The following PRKCH variants were observed in gnomAD, a reference collection of about 807,000 sequenced individuals.
PRKCH encodes protein kinase C eta.
In PRKCH, 28 loss-of-function variants were observed where a neutral mutation model predicts 82.5. That is an observed-to-expected ratio of 0.34 (90% CI 0.25 to 0.47). The LOEUF (loss-of-function observed/expected upper bound fraction) is 0.47, where lower values mean the gene tolerates loss of function less well. Ranked by LOEUF, PRKCH falls within the 20% of genes least tolerant of loss-of-function variation. The pLI, the probability that PRKCH is intolerant of heterozygous loss-of-function variation, is 1.00. For missense variants in PRKCH, 705 were observed against 881.8 expected, an observed-to-expected ratio of 0.80 and a Z score of 2.54; for synonymous variants, 322 against 327.4, an observed-to-expected ratio of 0.98 and a Z score of 0.18.
At chr14:61,484,291 CTTTT>C (rs71449556) in intron 9 of PRKCH, among the ~76,000 whole-genome samples, 2 of 86,382 alleles carry the variant, frequency 2.3e-5, no homozygotes, top group African/African-American at 4.5e-5. Flanking sequence ...GCTTGTGTCA[CTTTT>C]TTTTTTTTTT....
rs533960119 is a variant in PRKCH, at chr14:61,428,876, G to C, written c.428-14235G>C. Reference sequence around the variant, plus strand: ...TTTCCCTGTAGCTAGCTTTTACTCTGTCTCTTTAAAATACCTTTTTTTGGA... The same window carrying C: ...TTTCCCTGTAGCTAGCTTTTACTCTCTCTCTTTAAAATACCTTTTTTTGGA... On this transcript the variant is annotated intron_variant, in intron 2 of 13. Transcript: ENST00000332981. 7.9e-5 allele frequency among the ~76,000 whole-genome samples: 12 copies of C among 152,124 alleles called. 2 individuals are homozygous for C. Among genetic ancestry groups the C allele is most frequent in the Admixed American group, 2.0e-4 (3 of 15,286 alleles).
intron 1 of PRKCH, among the ~76,000 whole-genome samples, chr14:61,346,950 T>C (rs2046000416): frequency 1.3e-5 from 2 of 151,390 alleles, no homozygotes; most frequent in Non-Finnish European, 1.5e-5. Context: ...ATGATGTTGA[T>C]GTCCTCACAA....
At chr14:61,399,565 A>T (rs73320016) in intron 2 of PRKCH, among the ~76,000 whole-genome samples, 3,904 of 152,320 alleles carry the variant, frequency 0.026, 162 homozygotes, top group African/African-American at 0.09. Context: ...GGTGAGTAAG[A>T]TAATTCCTTT....
At chr14:61,472,938 C>T (rs772052827) in intron 9 of PRKCH, among the ~76,000 whole-genome samples, 14 of 152,158 alleles carry the variant, frequency 9.2e-5, no homozygotes, top group Non-Finnish European at 2.1e-4. Context: ...AAATGTGGAC[C>T]TGCCTTTTAA....
intron 9 of PRKCH, among the ~76,000 whole-genome samples, chr14:61,474,951 A>T (rs1164143946): frequency 6.6e-6 from 1 of 152,230 alleles, no homozygotes; most frequent in Non-Finnish European, 1.5e-5. Flanking sequence ...CTTGAGGCAG[A>T]TATGGCATAT....
intron 7 of PRKCH, among the ~76,000 whole-genome samples, chr14:61,455,793 A>G (rs1884739691): frequency 6.6e-6 from 1 of 152,220 alleles, no homozygotes; most frequent in South Asian, 2.1e-4. Flanking sequence ...AGCTTATCTT[A>G]TAAATGTCTC....
At chr14:61,327,169 A>C (rs1046173189) in intron 1 of PRKCH, 2 of 454,900 alleles carry the variant, frequency 4.4e-6, no homozygotes, top group Admixed American at 4.7e-5. Flanking sequence ...CTTTCTCTCA[A>C]TTTCTCAGTG....
At chr14:61,543,453 T>C (rs746022245) in intron 12 of PRKCH, 13 of 152,222 alleles carry the variant, frequency 8.5e-5, no homozygotes, top group Non-Finnish European at 1.0e-4. Flanking sequence ...AGTTTGAGAC[T>C]TACACTTGGG....
At chr14:61,520,741 G>A (rs1736507181) in intron 10 of PRKCH, among the ~76,000 whole-genome samples, 1 of 152,162 alleles carries the variant, frequency 6.6e-6, no homozygotes. Context: ...ATTCCATCTA[G>A]CCTGAACAAG....
chr14:61,404,761 A>G (rs1881848772), intron 2 of PRKCH, among the ~76,000 whole-genome samples: 1 of 152,172 alleles, frequency 6.6e-6, no homozygotes, highest in Admixed American at 6.5e-5. Context: ...ATGAGGTATC[A>G]TTTGAGCCAG....
At chr14:61,546,662 A>G (rs919012688) in intron 12 of PRKCH, among the ~76,000 whole-genome samples, 2 of 152,310 alleles carry the variant, frequency 1.3e-5, no homozygotes, top group East Asian at 1.9e-4. Flanking sequence ...CTCCAAAACA[A>G]TTTTTATAAA....
Position 61,322,735 on chromosome 14 carries a change from C to T in PRKCH, c.363+271C>T, listed in dbSNP as rs1006486676. ...CGGGAAGTCGGGCAGGGGTCCAGGG[C>T]GGTCACCCTTTCCGCCCAGTCTTTG... On this transcript the variant is annotated intron_variant, in intron 1 of 13. Transcript: ENST00000332981. 3.5e-5 allele frequency: 14 copies of T among 394,862 alleles called. No homozygotes were observed. The South Asian group carries it at 6.5e-4, about 18-fold the overall frequency. The allele number at this position is 394,862 out of a possible 1,614,324, so 24.5% of individuals were successfully genotyped here.
In PRKCH at chr14:61,354,462, A is replaced by G. The variant is rs186096699; in HGVS notation, c.363+31998A>G. On this transcript the variant is annotated intron_variant, in intron 1 of 13. Coordinates refer to ENST00000332981, the MANE Select transcript of PRKCH (RefSeq NM_006255.5). Reference sequence around the variant, plus strand: ...TGTTACAAATAACACTTCCGTACCTATAGCTGTTTCTTTTTCTTTTCCTTT... The same window carrying G: ...TGTTACAAATAACACTTCCGTACCTGTAGCTGTTTCTTTTTCTTTTCCTTT... 1.3e-4 allele frequency among the ~76,000 whole-genome samples: 19 copies of G among 151,462 alleles called. No individual in the cohort carries two copies. The East Asian group carries it at 2.5e-3, about 20-fold the overall frequency.
At position 61,486,453 on chromosome 14, in the gene PRKCH, T is replaced by G. The variant is rs78990735; in HGVS notation, c.1433+797T>G. Among the ~76,000 whole-genome samples the G allele has an allele frequency of 2.2e-4, 33 of 152,262 alleles. 3 individuals are homozygous for G. In the East Asian group the frequency reaches 6.4e-3, roughly 29 times the overall value. On this transcript the variant is annotated intron_variant, in intron 10 of 13. Transcript: ENST00000332981. ...TCTTTTGATCATAATATACCATACTTTGAATGGACTCCGAATCTGCTTGAT... is the reference window on the plus strand; with the variant it reads ...TCTTTTGATCATAATATACCATACTGTGAATGGACTCCGAATCTGCTTGAT...
upstream of PRKCH, among the ~76,000 whole-genome samples, chr14:61,318,869 A>AT (rs1465060581): frequency 4.6e-5 from 7 of 151,716 alleles, no homozygotes; most frequent in Non-Finnish European, 7.4e-5. Flanking sequence ...TTTAGTTTTT[A>AT]TTTTTTGTAG....
At position 61,275,002 on chromosome 14, in the gene PRKCH, A is replaced by G. The variant is rs1364173406; in HGVS notation, c.-19+87334A>G. Among the ~76,000 whole-genome samples the G allele has an allele frequency of 2.6e-5, 4 of 152,368 alleles. No homozygotes were observed. The East Asian group carries it at 5.8e-4, about 22-fold the overall frequency. ...GTCTTCATCCTTCAAGACCTGTAGG[A>G]AAAAATGAAAAGAATAGAAGCTGTT... On this transcript the variant is annotated intron_variant, in intron 1 of 3. Coordinates refer to the PRKCH transcript ENST00000555185.
intron 1 of PRKCH, among the ~76,000 whole-genome samples, chr14:61,291,392 C>A (rs1437692115): frequency 6.9e-6 from 1 of 144,388 alleles, no homozygotes; most frequent in East Asian, 2.1e-4. Context: ...TGCAGTGGTG[C>A]CATTTTGGCT....
At chr14:61,429,482 C>T (rs1883283500) in intron 2 of PRKCH, among the ~76,000 whole-genome samples, 1 of 152,160 alleles carries the variant, frequency 6.6e-6, no homozygotes, top group Non-Finnish European at 1.5e-5. Flanking sequence ...TTTTAAAAAT[C>T]AGTCTGTACA....
intron 10 of PRKCH, among the ~76,000 whole-genome samples, chr14:61,524,127 T>C (rs1222973375): frequency 1.3e-5 from 2 of 152,240 alleles, no homozygotes; most frequent in Non-Finnish European, 2.9e-5. Context: ...TTTATTTCTT[T>C]TGGAAGAGTA....
Sources: allele counts gnomAD v4.1 joint callset (sites outside exome capture counted in the v4.1 genomes callset), GRCh38; gene constraint gnomAD v4.1.1; transcripts MANE v1.5; gene names NCBI Gene and HGNC (gene_info 2026-07-23, HGNC 2026-07-21).